The following EML5 variants were observed in gnomAD, a reference collection of about 807,000 sequenced individuals.
The protein encoded by EML5 is EMAP like 5.
EML5 carries 120 observed loss-of-function variants against 250.0 expected under a neutral mutation model. The ratio of observed to expected loss-of-function variants is 0.48; its 90% CI spans 0.41 to 0.56. The LOEUF is 0.56. Among genes scored for constraint, EML5 ranks in the 20% least tolerant of loss-of-function variants. The probability of loss-of-function intolerance (pLI) is 0.00; values close to 1 mark genes in which losing one functional copy is unlikely to be tolerated. For synonymous variants in EML5, 771 were observed against 806.5 expected, an observed-to-expected ratio of 0.96 and a Z score of 0.75; for missense variants, 2,006 against 2,437.6, an observed-to-expected ratio of 0.82 and a Z score of 3.73.
intron 20 of EML5, among the ~76,000 whole-genome samples, chr14:88,684,678 G>T (rs12886450): frequency 0.64 from 97,124 of 151,624 alleles, 33,091 homozygotes; most frequent in East Asian, 0.94. Context: ...TTCTTTTCAT[G>T]GGTCCTTTAT....
At chr14:88,749,155 C>T (rs1163640446) in intron 2 of EML5, among the ~76,000 whole-genome samples, 2 of 152,072 alleles carry the variant, frequency 1.3e-5, no homozygotes, top group Admixed American at 1.3e-4. Context: ...CTGAAGCCAT[C>T]GCTAAAGGGC....
At chr14:88,662,342 T>TG (rs1438274066) in intron 24 of EML5, among the ~76,000 whole-genome samples, 2 of 136,016 alleles carry the variant, frequency 1.5e-5, no homozygotes, top group African/African-American at 6.3e-5. Flanking sequence ...TTTTCTTGTT[T>TG]TTTTTTTTTT....
In EML5 at chr14:88,772,388, G is replaced by A. The variant is rs555700346; in HGVS notation, c.198-17717C>T. On this transcript the variant is annotated intron_variant, in intron 1 of 43. Coordinates refer to ENST00000554922, the MANE Select transcript of EML5 (RefSeq NM_183387.3). The stretch of plus-strand genomic sequence containing the variant: ...TAAATCTGATCTCATCATTTACCTC[G>A]GTAAAAACCCAATAGCTTCCTACCG... Among the ~76,000 whole-genome samples, 10 of 152,244 alleles carry A rather than the reference G, an allele frequency of 6.6e-5. No homozygotes were observed. The South Asian group carries it at 1.5e-3, about 22-fold the overall frequency.
At chr14:88,771,236 T>C (rs2094389949) in intron 1 of EML5, among the ~76,000 whole-genome samples, 2 of 152,208 alleles carry the variant, frequency 1.3e-5, no homozygotes, top group East Asian at 1.9e-4. Flanking sequence ...ATGAGCACAG[T>C]TCCCCCCTAT....
chr14:88,683,964 T>C lies in EML5; in HGVS notation c.2982+1051A>G, dbSNP rs80003653. Among the ~76,000 whole-genome samples, 547 of 152,086 alleles carry C rather than the reference T, an allele frequency of 3.6e-3. 3 individuals carry two copies. Among genetic ancestry groups the C allele is most frequent in the African/African-American group, 0.012 (503 of 41,492 alleles). On this transcript the variant is annotated intron_variant, in intron 20 of 43. Coordinates refer to ENST00000554922, the MANE Select transcript of EML5 (RefSeq NM_183387.3). ...GTACTGGAGGTTCTAGTCAAGACTA[T>C]TGGACAAGAAAAAGAAATAGCAGGC...
At chr14:88,678,647 A>G (rs967628596) in intron 21 of EML5, among the ~76,000 whole-genome samples, 1 of 152,162 alleles carries the variant, frequency 6.6e-6, no homozygotes, top group African/African-American at 2.4e-5. Flanking sequence ...CAAAATTTTA[A>G]AAAAATCTGA....
At chr14:88,616,595 ATAGATT>A in intron 42 of EML5, 125 bp downstream of exon 42, 4 of 909,710 alleles carry the variant, frequency 4.4e-6, no homozygotes, top group South Asian at 4.2e-5. Flanking sequence ...TTCAAAGTAA[ATAGATT>A]TAGAAAGTTT....
chr14:88,669,939 G>T (rs1305864585), intron 21 of EML5, among the ~76,000 whole-genome samples: 5 of 152,144 alleles, frequency 3.3e-5, no homozygotes, highest in Non-Finnish European at 5.9e-5. Context: ...ATACCTCGAG[G>T]TGTGGGAGGG....
intron 5 of EML5, 134 bp downstream of exon 5, chr14:88,740,253 G>A: frequency 1.7e-6 from 1 of 595,452 alleles, no homozygotes; most frequent in East Asian, 2.9e-5. Flanking sequence ...AAAACAAATA[G>A]ATAATTCAGT....
intron 8 of EML5, among the ~76,000 whole-genome samples, chr14:88,725,586 C>A (rs182123832): frequency 1.3e-5 from 2 of 152,054 alleles, no homozygotes; most frequent in Non-Finnish European, 1.5e-5. Context: ...CTACATACCA[C>A]GTGAAGGATT....
intron 2 of EML5, among the ~76,000 whole-genome samples, chr14:88,748,375 G>T (rs2094039495): frequency 6.6e-6 from 1 of 152,044 alleles, no homozygotes; most frequent in South Asian, 2.1e-4. Flanking sequence ...GAACTCGCTG[G>T]GCAGTCATTA....
intron 1 of EML5, among the ~76,000 whole-genome samples, chr14:88,790,455 G>A (rs2094594600): frequency 6.6e-6 from 1 of 152,054 alleles, no homozygotes; most frequent in African/African-American, 2.4e-5. Context: ...AAATTTAAGC[G>A]GTGTGACATA....
chr14:88,713,382 A>T lies in EML5; in HGVS notation c.1445-899T>A, dbSNP rs557990844. ...ACTCCAACCTGGGCAACAGAGCGAA[A>T]CTCCGTCTCAAAAAAAAAAAATACT... On this transcript the variant is annotated intron_variant, in intron 9 of 43. Transcript: ENST00000554922. Among the ~76,000 whole-genome samples the T allele has an allele frequency of 4.1e-3, 429 of 104,448 alleles. 4 individuals are homozygous for T. The highest frequency in any genetic ancestry group is 0.021 in the African/African-American group (410 of 19,966). The allele number at this position is 104,448 out of a possible 152,430, so 68.5% of individuals were successfully genotyped here.
chr14:88,664,801 AC>A (rs2092257249), intron 22 of EML5, among the ~76,000 whole-genome samples, 177 bp from the exon 23 acceptor site: 1 of 152,206 alleles, frequency 6.6e-6, no homozygotes, highest in Non-Finnish European at 1.5e-5. Flanking sequence ...ATTATACTTA[AC>A]AAAATAATTT....
intron 4 of EML5, 80 bp from the exon 5 acceptor site, chr14:88,740,652 TA>T: frequency 7.9e-7 from 1 of 1,266,028 alleles, no homozygotes; most frequent in Non-Finnish European, 1.1e-6. Context: ...TTTGATGCTA[TA>T]TTAGAGCAGT....
intron 21 of EML5, among the ~76,000 whole-genome samples, chr14:88,679,825 G>T (rs1358381676): frequency 6.6e-6 from 1 of 152,182 alleles, no homozygotes; most frequent in African/African-American, 2.4e-5. Flanking sequence ...AGGAAATTTA[G>T]AACTGGATTA....
intron 7 of EML5, among the ~76,000 whole-genome samples, chr14:88,730,700 T>C (rs1362012950): frequency 6.6e-6 from 1 of 152,210 alleles, no homozygotes; most frequent in Non-Finnish European, 1.5e-5. Context: ...TTTGCTTTTA[T>C]GAATAGTCTG....
chr14:88,713,698 C>T lies in EML5; in HGVS notation c.1445-1215G>A, dbSNP rs189737146. Among the ~76,000 whole-genome samples the T allele has an allele frequency of 1.3e-3, 192 of 151,314 alleles. 1 individual carries two copies. In the Middle Eastern group the frequency reaches 0.024, roughly 19 times the overall value. On this transcript the variant is annotated intron_variant, in intron 9 of 43. Coordinates refer to ENST00000554922, the MANE Select transcript of EML5 (RefSeq NM_183387.3). ...CTCAAACTCCTGGGCTCAAGAGATC[C>T]TTCCACTTTGGCCTCCCAAAGTGCT...
In EML5 at chr14:88,792,841, C is replaced by A; in HGVS notation, c.-338G>T. The A allele has an allele frequency of 9.0e-6, 6 of 664,016 alleles. No homozygotes were observed. Among genetic ancestry groups the A allele is most frequent in the Non-Finnish European group, 1.1e-5 (6 of 534,856 alleles). 41.1% of individuals were successfully genotyped at this position (664,016 alleles called of 1,614,324 possible). A position where few individuals can be genotyped will look rare whatever the true frequency, so the allele number is the denominator to read the frequency against. On this transcript the variant is annotated 5_prime_UTR_variant, in exon 1 of 44. Coordinates refer to ENST00000554922, the MANE Select transcript of EML5 (RefSeq NM_183387.3). This position sits in a 1 kb window ranked among gnomAD's most constrained non-coding sequence, Gnocchi z 6.9. ...GGCCCGCCTCCAGCTCCTCAGCCGC[C>A]GCCCGCGCACGCAGCTCCCAGCCCC...
Sources: allele counts gnomAD v4.1 joint callset (sites outside exome capture counted in the v4.1 genomes callset), GRCh38; gene constraint gnomAD v4.1.1; non-coding constraint Gnocchi (gnomAD v3.1); transcripts MANE v1.5; gene names NCBI Gene and HGNC (gene_info 2026-07-23, HGNC 2026-07-21).